The following UBL3 variants were observed in gnomAD, a reference collection of about 807,000 sequenced individuals.
The protein encoded by UBL3 is ubiquitin-like protein 3.
Under a neutral mutation model 18.4 loss-of-function variants are expected in UBL3, and 6 were observed. The ratio of observed to expected loss-of-function variants is 0.33; its 90% CI spans 0.18 to 0.64. UBL3 has a LOEUF of 0.64. Among genes scored for constraint, UBL3 ranks in the 30% least tolerant of loss-of-function variants. The pLI, the probability that UBL3 is intolerant of heterozygous loss-of-function variation, is 0.76. For synonymous variants in UBL3, 49 were observed against 46.6 expected (o/e 1.05, Z -0.21); for missense variants, 109 against 142.9 (o/e 0.76, Z 1.21).
intron 1 of UBL3, among the ~76,000 whole-genome samples, chr13:29,831,959 G>C (rs988241750): frequency 6.6e-6 from 1 of 151,894 alleles, no homozygotes; most frequent in Admixed American, 6.6e-5. Context: ...GTAAAAATTC[G>C]CTTCCTCAAA....
At position 29,777,271 on chromosome 13, in the gene UBL3, A is replaced by C; in HGVS notation, c.28-8T>G. 6.3e-7 allele frequency: 1 copy of C among 1,597,456 alleles called. No individual in the cohort carries two copies. On this transcript the variant is annotated splice_polypyrimidine_tract_variant and splice_region_variant and intron_variant, in intron 1 of 4. Transcript: ENST00000380680. ...AATGAGGCGCAAATTTATCTGAAAG[A>C]AGACAATGATTCTTTTAACATAAAT...
chr13:29,813,115 T>C (rs1000209652), intron 1 of UBL3, among the ~76,000 whole-genome samples: 5 of 152,018 alleles, frequency 3.3e-5, no homozygotes, highest in African/African-American at 9.7e-5. Flanking sequence ...ATGTAAGACA[T>C]TTCTCTCAGA....
At chr13:29,832,462 A>T (rs1005960074) in intron 1 of UBL3, among the ~76,000 whole-genome samples, 7 of 151,930 alleles carry the variant, frequency 4.6e-5, no homozygotes, top group South Asian at 2.1e-4. Context: ...CCTCCCGAGT[A>T]GCTGGGACTA....
intron 1 of UBL3, among the ~76,000 whole-genome samples, chr13:29,803,312 C>CTAA (rs1179003432): frequency 6.6e-6 from 1 of 152,024 alleles, no homozygotes; most frequent in East Asian, 1.9e-4. Flanking sequence ...CAGAAACACA[C>CTAA]AGAAGTACAT....
chr13:29,804,649 C>T (rs1444060181), intron 1 of UBL3, among the ~76,000 whole-genome samples: 1 of 152,002 alleles, frequency 6.6e-6, no homozygotes, highest in East Asian at 1.9e-4. Context: ...CAAAAAAAAT[C>T]CTGGGAGACT....
At chr13:29,776,901 A>AT (rs1322363192) in intron 2 of UBL3, among the ~76,000 whole-genome samples, 1,649 of 124,404 alleles carry the variant, frequency 0.013, 101 homozygotes, top group Non-Finnish European at 0.016. Flanking sequence ...AAAAAAAAAA[A>AT]TTTTTTTCAC....
chr13:29,833,547 C>T (rs140590279), intron 1 of UBL3, among the ~76,000 whole-genome samples: 47 of 152,276 alleles, frequency 3.1e-4, no homozygotes, highest in Admixed American at 5.9e-4. Context: ...GCAATATTCC[C>T]TCTGCCTACA....
chr13:29,813,695 T>C (rs1482806593), intron 1 of UBL3, among the ~76,000 whole-genome samples: 1 of 152,118 alleles, frequency 6.6e-6, no homozygotes, highest in African/African-American at 2.4e-5. Context: ...TGCACCATTT[T>C]ATATCACGGA....
At chr13:29,780,390 A>ATGTGTGTGTG (rs1555232308) in intron 1 of UBL3, among the ~76,000 whole-genome samples, 1 of 92,168 alleles carries the variant, frequency 1.1e-5, no homozygotes, top group African/African-American at 4.0e-5. Flanking sequence ...ATATATATAT[A>ATGTGTGTGTG]TGTGTGTGTG....
intron 1 of UBL3, among the ~76,000 whole-genome samples, chr13:29,785,595 A>G (rs953652350): frequency 2.6e-5 from 4 of 152,248 alleles, no homozygotes; most frequent in Non-Finnish European, 5.9e-5. Flanking sequence ...TGTAAAAGAA[A>G]CAAAGAATGA....
At chr13:29,767,583 C>T in intron 4 of UBL3, 35 bp downstream of exon 4, 2 of 1,602,888 alleles carry the variant, frequency 1.2e-6, no homozygotes, top group Non-Finnish European at 1.7e-6. Context: ...TGTCTTTGTG[C>T]CTCAACTGAG....
At chr13:29,834,640 C>A (rs763936083) in intron 1 of UBL3, among the ~76,000 whole-genome samples, 1 of 151,988 alleles carries the variant, frequency 6.6e-6, no homozygotes, top group Admixed American at 6.5e-5. Flanking sequence ...AAATTACATG[C>A]TAATTTAAAA....
intron 1 of UBL3, among the ~76,000 whole-genome samples, chr13:29,779,990 G>A (rs905467044): frequency 1.3e-5 from 2 of 152,102 alleles, no homozygotes; most frequent in African/African-American, 4.8e-5. Flanking sequence ...GGTGGGGAGA[G>A]CAAGAAGGCA....
At chr13:29,817,984 A>T (rs950540442) in intron 1 of UBL3, among the ~76,000 whole-genome samples, 1 of 152,212 alleles carries the variant, frequency 6.6e-6, no homozygotes, top group African/African-American at 2.4e-5. Context: ...TTAAAATCTG[A>T]CATAGCTCCT....
At chr13:29,829,495 G>C (rs1238597391) in intron 1 of UBL3, among the ~76,000 whole-genome samples, 2 of 152,180 alleles carry the variant, frequency 1.3e-5, no homozygotes, top group African/African-American at 2.4e-5. Context: ...AGCCAGGCGC[G>C]GGATATAATC....
At chr13:29,799,943 A>G (rs1877715707) in intron 1 of UBL3, among the ~76,000 whole-genome samples, 1 of 149,356 alleles carries the variant, frequency 6.7e-6, no homozygotes, top group South Asian at 2.1e-4. Flanking sequence ...GTGGGTATTG[A>G]AAAAAAAAAG....
chr13:29,849,169 G>C (rs1416484999), intron 1 of UBL3, among the ~76,000 whole-genome samples: 2 of 152,170 alleles, frequency 1.3e-5, no homozygotes, highest in African/African-American at 4.8e-5. Flanking sequence ...CCCGTCCTCA[G>C]CTCTGCCCAC....
At chr13:29,834,272 T>C (rs975873039) in intron 1 of UBL3, among the ~76,000 whole-genome samples, 6 of 151,150 alleles carry the variant, frequency 4.0e-5, no homozygotes, top group African/African-American at 1.5e-4. Context: ...ACATGAAAAA[T>C]CTGTTGATCT....
chr13:29,813,706 C>T (rs1274665409), intron 1 of UBL3, among the ~76,000 whole-genome samples: 1 of 152,038 alleles, frequency 6.6e-6, no homozygotes, highest in Non-Finnish European at 1.5e-5. Context: ...ATATCACGGA[C>T]TTGAAGCATC....
Sources: gnomAD v4.1 joint callset for allele counts (sites outside exome capture counted in the v4.1 genomes callset) on GRCh38, gnomAD v4.1.1 for gene constraint, MANE v1.5 for transcripts, NCBI Gene and HGNC (gene_info 2026-07-23, HGNC 2026-07-21) for gene names.